Variants in LRP1B observed in about 807,000 individuals in gnomAD.
LRP1B encodes the protein LDL receptor related protein 1B.
LRP1B carries 217 observed loss-of-function variants against 556.6 expected under a neutral mutation model. The ratio of observed to expected loss-of-function variants is 0.39; its 90% confidence interval spans 0.35 to 0.44. The LOEUF (loss-of-function observed/expected upper bound fraction) is 0.44. Ranked by LOEUF, LRP1B falls within the 20% of genes least tolerant of loss-of-function variation. The probability of loss-of-function intolerance (pLI) is 1.00; values close to 1 mark genes in which losing one functional copy is unlikely to be tolerated. For synonymous variants in LRP1B, 2,047 were observed against 1,865.8 expected (o/e 1.10, Z -2.50); for missense variants, 5,053 against 5,620.8 (o/e 0.90, Z 3.23).
chr2:140,696,942 T>C (rs1686449857), intron 41 of LRP1B, among the ~76,000 whole-genome samples: 1 of 152,188 alleles, frequency 6.6e-6, no homozygotes, highest in Admixed American at 6.6e-5. Context: ...ATCATGCTTA[T>C]TTATATATTC....
chr2:141,703,806 G>A (rs960556911), intron 2 of LRP1B, among the ~76,000 whole-genome samples: 20 of 151,766 alleles, frequency 1.3e-4, no homozygotes, highest in East Asian at 1.2e-3. Flanking sequence ...GGGTTACATC[G>A]GCCTAACTAG....
chr2:140,241,442 T>C (rs748319975), intron 87 of LRP1B, among the ~76,000 whole-genome samples: 3 of 150,880 alleles, frequency 2.0e-5, no homozygotes, highest in African/African-American at 7.3e-5. Context: ...ATTTATTTTC[T>C]CTCAATGCAA....
Position 140,350,138 on chromosome 2 carries a change from A to G in LRP1B, c.11892+659T>C, listed in dbSNP as rs377146714. The stretch of plus-strand genomic sequence containing the variant: ...TTATCTGTCATTTTCCTTCCAGGTT[A>G]CTTAAAAATATAAAACACACAATAA... On this transcript the variant is annotated intron_variant, in intron 77 of 90. Transcript: ENST00000389484. Among the ~76,000 whole-genome samples the G allele has an allele frequency of 2.6e-5, 4 of 152,216 alleles. No individual in the cohort carries two copies. In the East Asian group the frequency reaches 7.7e-4, roughly 29 times the overall value.
chr2:140,346,708 G>C (rs540957083), intron 77 of LRP1B, among the ~76,000 whole-genome samples: 19 of 151,846 alleles, frequency 1.3e-4, no homozygotes, highest in Non-Finnish European at 2.2e-4. Context: ...CACTTTGTGT[G>C]TGCATGCATG....
At chr2:140,448,353 C>T (rs994609680) in intron 63 of LRP1B, among the ~76,000 whole-genome samples, 18 of 152,064 alleles carry the variant, frequency 1.2e-4, no homozygotes, top group African/African-American at 4.3e-4. Context: ...ATGAAATCAA[C>T]CACAGTGTCC....
chr2:142,004,965 AATACTATATATTTAGTATTATAG>A (rs1437306970), intron 1 of LRP1B, among the ~76,000 whole-genome samples: 5 of 150,116 alleles, frequency 3.3e-5, no homozygotes, highest in South Asian at 2.1e-4. Context: ...GTCTGCAACA[AATACTATATATTTAGTATTATAG>A]ATACTATATA....
intron 86 of LRP1B, among the ~76,000 whole-genome samples, chr2:140,257,113 C>A (rs1250596976): frequency 6.6e-6 from 1 of 152,032 alleles, no homozygotes; most frequent in African/African-American, 2.4e-5. Flanking sequence ...GCATATGAGT[C>A]TAATTCTTGT....
intron 1 of LRP1B, among the ~76,000 whole-genome samples, chr2:141,907,232 A>T (rs929402976): frequency 6.6e-6 from 1 of 151,952 alleles, no homozygotes; most frequent in African/African-American, 2.4e-5. Flanking sequence ...TATGTATTCA[A>T]AATAATTTAT....
intron 2 of LRP1B, among the ~76,000 whole-genome samples, chr2:141,490,084 G>A (rs1252032078): frequency 1.3e-5 from 2 of 152,050 alleles, no homozygotes; most frequent in Admixed American, 6.6e-5. Flanking sequence ...TTAAAGCCCT[G>A]GGAAAGGAGT....
intron 41 of LRP1B, among the ~76,000 whole-genome samples, chr2:140,644,405 T>TC (rs1476094914): frequency 1.3e-5 from 2 of 149,340 alleles, no homozygotes; most frequent in African/African-American, 4.9e-5. Flanking sequence ...TTTTTTCTTT[T>TC]TTTTTTTTTT....
intron 2 of LRP1B, among the ~76,000 whole-genome samples, chr2:141,710,924 C>A (rs1227019694): frequency 6.6e-6 from 1 of 152,126 alleles, no homozygotes; most frequent in Non-Finnish European, 1.5e-5. Flanking sequence ...TACATCCTTT[C>A]CTACATTAGA....
At chr2:141,930,048 C>T (rs1700448948) in intron 1 of LRP1B, among the ~76,000 whole-genome samples, 1 of 150,980 alleles carries the variant, frequency 6.6e-6, no homozygotes, top group African/African-American at 2.4e-5. Flanking sequence ...AGGACTTAAT[C>T]ATTTTATCTA....
At position 140,588,966 on chromosome 2, in the gene LRP1B, G is replaced by GA. The variant is rs34845216; in HGVS notation, c.7194+9664dup. On this transcript the variant is annotated intron_variant, in intron 43 of 90. Transcript: ENST00000389484. ...CAACAGAACGAGACTCCGTCTCAAA[G>GA]AAAAAAAAAAAAAAAAGATGGACAT... 6.6e-3 allele frequency among the ~76,000 whole-genome samples: 888 copies of GA among 134,004 alleles called. 9 individuals are homozygous for GA. Among genetic ancestry groups the GA allele is most frequent in the African/African-American group, 0.022 (785 of 36,288 alleles). 87.9% of individuals were successfully genotyped at this position (134,004 alleles called of 152,430 possible). A position where few individuals can be genotyped will look rare whatever the true frequency, so the allele number is the denominator to read the frequency against.
At chr2:141,304,363 G>C (rs569742795) in intron 3 of LRP1B, among the ~76,000 whole-genome samples, 1 of 151,252 alleles carries the variant, frequency 6.6e-6, no homozygotes, top group Non-Finnish European at 1.5e-5. Context: ...AAGTCTTACC[G>C]TTAAATTTTC....
chr2:141,329,513 G>A (rs1280417901), intron 3 of LRP1B, among the ~76,000 whole-genome samples: 4 of 151,606 alleles, frequency 2.6e-5, no homozygotes, highest in Non-Finnish European at 5.9e-5. Flanking sequence ...GTGTGGTGGC[G>A]GGCACCTGTA....
intron 3 of LRP1B, among the ~76,000 whole-genome samples, chr2:141,453,804 C>T (rs1169551358): frequency 6.6e-6 from 1 of 151,700 alleles, no homozygotes; most frequent in East Asian, 2.0e-4. Flanking sequence ...GTTCCAGCTA[C>T]TCAGGAGGCT....
chr2:141,414,025 C>CT (rs1245150141), intron 3 of LRP1B, among the ~76,000 whole-genome samples: 2 of 152,000 alleles, frequency 1.3e-5, no homozygotes, highest in African/African-American at 4.8e-5. Context: ...GGTCAGAGGT[C>CT]AGGAGATGGA....
At position 140,409,442 on chromosome 2, in the gene LRP1B, G is replaced by A. The variant is rs1573904471; in HGVS notation, c.10415-23433C>T. On this transcript the variant is annotated intron_variant, in intron 66 of 90. Coordinates refer to ENST00000389484, the MANE Select transcript of LRP1B (RefSeq NM_018557.3). ...TAGATTTATTGATGAAAAGTAACAA[G>A]TTCGTCCACCATTTTAACCAGAATT... 2.0e-5 allele frequency among the ~76,000 whole-genome samples: 3 copies of A among 152,046 alleles called. No homozygotes were observed. In the East Asian group the frequency reaches 5.8e-4, roughly 29 times the overall value.
At chr2:140,973,048 C>T (rs1188932058) in intron 18 of LRP1B, among the ~76,000 whole-genome samples, 1 of 63,100 alleles carries the variant, frequency 1.6e-5, no homozygotes, top group East Asian at 5.0e-4. Flanking sequence ...AAATATATTT[C>T]ATTTTATATA....
Sources: allele counts gnomAD v4.1 joint callset (sites outside exome capture counted in the v4.1 genomes callset), GRCh38; gene constraint gnomAD v4.1.1; transcripts MANE v1.5; gene names NCBI Gene and HGNC (gene_info 2026-07-23, HGNC 2026-07-21).